The following CADM2 variants were observed in gnomAD, a reference collection of about 807,000 sequenced individuals.
The protein encoded by CADM2 is cell adhesion molecule 2.
Under a neutral mutation model 49.8 loss-of-function variants are expected in CADM2, and 12 were observed. That is an observed-to-expected ratio of 0.24 (90% CI 0.15 to 0.39). The LOEUF (loss-of-function observed/expected upper bound fraction) is 0.39, where lower values mean the gene tolerates loss of function less well. Ranked by LOEUF, CADM2 falls within the 10% of genes least tolerant of loss-of-function variation. CADM2 has a pLI of 1.00. For synonymous variants in CADM2, 214 were observed against 175.4 expected (o/e 1.22, Z -1.74); for missense variants, 378 against 492.3 (o/e 0.77, Z 2.20).
At chr3:85,337,696 G>T (rs888612649) in intron 1 of CADM2, among the ~76,000 whole-genome samples, 39 of 151,238 alleles carry the variant, frequency 2.6e-4, no homozygotes, top group African/African-American at 9.0e-4. Flanking sequence ...AAGTATTTTT[G>T]CTCTTTTTTC....
intron 1 of CADM2, among the ~76,000 whole-genome samples, chr3:85,208,825 C>A (rs2041711076): frequency 6.6e-6 from 1 of 152,130 alleles, no homozygotes; most frequent in African/African-American, 2.4e-5. Flanking sequence ...GAACAACAAG[C>A]ATATCCAATG....
chr3:85,102,600 T>G (rs1478396709), intron 1 of CADM2, among the ~76,000 whole-genome samples: 1 of 152,098 alleles, frequency 6.6e-6, no homozygotes, highest in East Asian at 1.9e-4. Context: ...TATTGAAGAT[T>G]TGAGAAAAAG....
chr3:85,630,871 A>C (rs1247352830), intron 1 of CADM2, among the ~76,000 whole-genome samples: 1 of 152,032 alleles, frequency 6.6e-6, no homozygotes, highest in Non-Finnish European at 1.5e-5. Context: ...TTAAAATATC[A>C]ACCAGATCTC....
chr3:85,910,809 T>A (rs1314846610), intron 5 of CADM2, among the ~76,000 whole-genome samples: 2 of 152,032 alleles, frequency 1.3e-5, no homozygotes, highest in Non-Finnish European at 2.9e-5. Flanking sequence ...ACAAGACATA[T>A]CACATCTATC....
intron 1 of CADM2, among the ~76,000 whole-genome samples, chr3:85,715,634 T>G (rs1025425985): frequency 6.6e-6 from 1 of 152,170 alleles, no homozygotes. Flanking sequence ...TAGGTATTTC[T>G]CTTAATGCTA....
chr3:85,359,346 T>C (rs1359383465), intron 1 of CADM2, among the ~76,000 whole-genome samples: 1 of 151,900 alleles, frequency 6.6e-6, no homozygotes, highest in East Asian at 1.9e-4. Context: ...ATTTTGAAGA[T>C]TATCAAGAAA....
intron 1 of CADM2, among the ~76,000 whole-genome samples, chr3:85,061,943 GA>G (rs911803893): frequency 6.0e-5 from 9 of 150,986 alleles, no homozygotes; most frequent in South Asian, 4.2e-4. Context: ...CTATCAGAAA[GA>G]AAAAAAATAT....
intron 1 of CADM2, among the ~76,000 whole-genome samples, chr3:85,144,727 A>ACC (rs1458776663): frequency 6.6e-6 from 1 of 152,204 alleles, no homozygotes; most frequent in Non-Finnish European, 1.5e-5. Flanking sequence ...TTTTGCTTGA[A>ACC]AAGGAGTTCA....
intron 7 of CADM2, among the ~76,000 whole-genome samples, chr3:85,937,798 A>G (rs952403800): frequency 1.3e-5 from 2 of 151,918 alleles, no homozygotes; most frequent in Non-Finnish European, 2.9e-5. Flanking sequence ...TTCTGGCATG[A>G]GTTCTTAACC....
intron 1 of CADM2, among the ~76,000 whole-genome samples, chr3:85,145,529 G>A (rs1322942544): frequency 6.6e-6 from 1 of 151,664 alleles, no homozygotes; most frequent in Non-Finnish European, 1.5e-5. Flanking sequence ...AAACACACTG[G>A]CTTTTCAGGA....
chr3:85,026,039 G>A (rs1377099994), intron 1 of CADM2, among the ~76,000 whole-genome samples: 1 of 152,170 alleles, frequency 6.6e-6, no homozygotes, highest in Non-Finnish European at 1.5e-5. Flanking sequence ...GGTTAAGCCA[G>A]TGAGTGACTA....
intron 3 of CADM2, among the ~76,000 whole-genome samples, chr3:85,873,850 T>C (rs371925853): frequency 1.3e-5 from 2 of 152,218 alleles, no homozygotes; most frequent in South Asian, 2.1e-4. Flanking sequence ...AAAGATAATA[T>C]TTTATTTGTG....
In CADM2 at chr3:84,959,155, G is replaced by C; in HGVS notation, c.-453G>C. On this transcript the variant is annotated 5_prime_UTR_variant, in exon 1 of 10. Coordinates refer to ENST00000383699, the MANE Select transcript of CADM2 (RefSeq NM_001167675.2). Reference sequence around the variant, plus strand: ...ACCCCGAGACACCCCGGGCGCGAGCGGCAGTGCTGCTTGCTTGCTCCTCCT... The same window carrying C: ...ACCCCGAGACACCCCGGGCGCGAGCCGCAGTGCTGCTTGCTTGCTCCTCCT... 5.4e-6 allele frequency: 1 copy of C among 183,524 alleles called. No homozygotes were observed. Among genetic ancestry groups the C allele is most frequent in the East Asian group, 1.8e-4 (1 of 5,548 alleles). 11.4% of individuals were successfully genotyped at this position (183,524 alleles called of 1,614,324 possible). A position where few individuals can be genotyped will look rare whatever the true frequency, so the allele number is the denominator to read the frequency against.
At chr3:85,294,089 A>T (rs1361532790) in intron 1 of CADM2, among the ~76,000 whole-genome samples, 1 of 151,858 alleles carries the variant, frequency 6.6e-6, no homozygotes, top group African/African-American at 2.4e-5. Flanking sequence ...ACTTCAGCAA[A>T]GTCTCAGGAT....
At chr3:85,082,697 G>T (rs1302861915) in intron 1 of CADM2, among the ~76,000 whole-genome samples, 1 of 152,102 alleles carries the variant, frequency 6.6e-6, no homozygotes, top group Non-Finnish European at 1.5e-5. Context: ...ACACGGTTAG[G>T]GGTCTTATTG....
rs1739715697 is a variant in CADM2, at chr3:86,070,008, A to G, written c.*3225A>G. Reference sequence around the variant, plus strand: ...GTGTATAAGAGAGAAAGAGAAATCGAAAAGAGAGAGAAATTTCAACTTGTT... The same window carrying G: ...GTGTATAAGAGAGAAAGAGAAATCGGAAAGAGAGAGAAATTTCAACTTGTT... On this transcript the variant is annotated 3_prime_UTR_variant, in exon 10 of 10. Transcript: ENST00000383699. 6.6e-6 allele frequency: 1 copy of G among 151,810 alleles called. No individual in the cohort carries two copies. The highest frequency in any genetic ancestry group is 2.4e-5 in the African/African-American group (1 of 41,400). The allele number at this position is 151,810 out of a possible 1,614,324, so 9.4% of individuals were successfully genotyped here. A position where few individuals can be genotyped will look rare whatever the true frequency, so the allele number is the denominator to read the frequency against.
intron 1 of CADM2, among the ~76,000 whole-genome samples, chr3:85,372,846 A>G (rs1235618077): frequency 6.6e-6 from 1 of 152,134 alleles, no homozygotes; most frequent in African/African-American, 2.4e-5. Flanking sequence ...GCCCTTCATA[A>G]AACCATCAGA....
intron 2 of CADM2, among the ~76,000 whole-genome samples, chr3:85,789,829 C>G (rs1226743319): frequency 1.3e-5 from 2 of 151,948 alleles, no homozygotes; most frequent in Non-Finnish European, 2.9e-5. Context: ...GGTGTGTAAA[C>G]AAGTTTGTGT....
At chr3:85,802,014 A>G (rs779067028) in intron 2 of CADM2, 33 bp from the exon 3 acceptor site, 1 of 1,564,058 alleles carries the variant, frequency 6.4e-7, no homozygotes, top group East Asian at 2.3e-5. Flanking sequence ...TATGACTTTC[A>G]TTTAATCAAC....
Sources: allele counts gnomAD v4.1 joint callset (sites outside exome capture counted in the v4.1 genomes callset), GRCh38; gene constraint gnomAD v4.1.1; transcripts MANE v1.5; gene names NCBI Gene and HGNC (gene_info 2026-07-23, HGNC 2026-07-21).